Variants in FRMD4B observed in about 807,000 individuals in gnomAD.
FRMD4B encodes the protein FERM domain containing 4B.
Under a neutral mutation model 141.5 loss-of-function variants are expected in FRMD4B, and 74 were observed. The ratio of observed to expected loss-of-function variants is 0.52; its 90% CI spans 0.43 to 0.63. The LOEUF (loss-of-function observed/expected upper bound fraction) is 0.63. FRMD4B is among the 30% of genes least tolerant of loss of function. The pLI is 0.00. For synonymous variants in FRMD4B, 506 were observed against 467.9 expected (o/e 1.08, Z -1.05); for missense variants, 1,366 against 1,253.4 (o/e 1.09, Z -1.36).
chr3:69,285,675 T>C (rs998884997), intron 5 of FRMD4B, among the ~76,000 whole-genome samples: 1 of 151,742 alleles, frequency 6.6e-6, no homozygotes, highest in Non-Finnish European at 1.5e-5. Flanking sequence ...GAAACCCCAT[T>C]GCTACAAAAA....
chr3:69,430,162 G>A (rs943107010), intron 2 of FRMD4B, among the ~76,000 whole-genome samples: 1 of 152,104 alleles, frequency 6.6e-6, no homozygotes, highest in African/African-American at 2.4e-5. Flanking sequence ...CTGATATTGA[G>A]TAGGAATGCA....
intron 7 of FRMD4B, among the ~76,000 whole-genome samples, chr3:69,238,161 A>AG (rs1267961076): frequency 2.0e-5 from 3 of 152,216 alleles, no homozygotes; most frequent in African/African-American, 7.2e-5. Context: ...TTTACAGATA[A>AG]GGAAACTGAG....
intron 1 of FRMD4B, among the ~76,000 whole-genome samples, chr3:69,366,119 T>G (rs72940779): frequency 0.22 from 31,364 of 144,962 alleles, 4,339 homozygotes; most frequent in African/African-American, 0.39. Context: ...AATTAGCTGG[T>G]CATGGTGGCA....
chr3:69,225,423 C>G (rs1333808911), intron 7 of FRMD4B, among the ~76,000 whole-genome samples: 1 of 151,228 alleles, frequency 6.6e-6, no homozygotes, highest in Non-Finnish European at 1.5e-5. Flanking sequence ...CGCCTGTAAT[C>G]CCAGCACTTT....
At chr3:69,536,936 T>C (rs1472465) in intron 1 of FRMD4B, among the ~76,000 whole-genome samples, 6,065 of 152,064 alleles carry the variant, frequency 0.04, 187 homozygotes, top group East Asian at 0.084. Flanking sequence ...TAAGTAGGAA[T>C]GAGGTCTTCC....
chr3:69,483,987 T>G (rs1706174444), intron 1 of FRMD4B, among the ~76,000 whole-genome samples: 1 of 152,178 alleles, frequency 6.6e-6, no homozygotes, highest in South Asian at 2.1e-4. Context: ...CTTTCCCCTT[T>G]AAACAAAAAA....
intron 8 of FRMD4B, 58 bp from the exon 9 acceptor site, chr3:69,221,981 A>G: frequency 1.1e-6 from 1 of 882,556 alleles, no homozygotes. Flanking sequence ...GTACAGGCAC[A>G]GTTTCCACAT....
chr3:69,196,888 C>G lies in FRMD4B; in HGVS notation c.1092+12G>C. On this transcript the variant is annotated intron_variant, in intron 13 of 22. Transcript: ENST00000398540. ...GGAATCTGTCCCTATAGAAATGATG[C>G]CAGTTACTTACTTTGCTTTGCTTCC... is the stretch of plus-strand genomic sequence containing the variant. The G allele has an allele frequency of 6.3e-7, 1 of 1,597,974 alleles. No individual in the cohort carries two copies. Among genetic ancestry groups the G allele is most frequent in the Non-Finnish European group, 8.6e-7 (1 of 1,166,542 alleles).
chr3:69,424,296 G>A (rs2106817199), intron 2 of FRMD4B, among the ~76,000 whole-genome samples: 1 of 152,262 alleles, frequency 6.6e-6, no homozygotes, highest in South Asian at 2.1e-4. Flanking sequence ...AGAACTGACT[G>A]TATACTGACA....
chr3:69,511,153 C>T (rs1706680153), intron 1 of FRMD4B, among the ~76,000 whole-genome samples: 1 of 152,172 alleles, frequency 6.6e-6, no homozygotes, highest in African/African-American at 2.4e-5. Flanking sequence ...TAAATTTTAT[C>T]AAATACAGAT....
intron 1 of FRMD4B, among the ~76,000 whole-genome samples, chr3:69,437,487 G>A: frequency 6.9e-6 from 1 of 144,268 alleles, no homozygotes; most frequent in African/African-American, 2.5e-5. Context: ...ACTATTCATA[G>A]TATTATACAT....
upstream of FRMD4B, among the ~76,000 whole-genome samples, chr3:69,389,056 C>T (rs1484967109): frequency 5.6e-5 from 7 of 125,550 alleles, no homozygotes; most frequent in Admixed American, 8.9e-5. Context: ...TTTTTTGAAA[C>T]GTAGTCTCCC....
chr3:69,224,486 T>C lies in FRMD4B; in HGVS notation c.665+121A>G, dbSNP rs564645281. 1.9e-4 allele frequency: 135 copies of C among 693,964 alleles called. 2 individuals are homozygous for C. The highest frequency in any genetic ancestry group is 1.1e-3 in the South Asian group (70 of 63,094). The allele number at this position is 693,964 out of a possible 1,614,324, so 43.0% of individuals were successfully genotyped here. A position where few individuals can be genotyped will look rare whatever the true frequency, so the allele number is the denominator to read the frequency against. Reference sequence around the variant, plus strand: ...GATCAAGGTCTACCTATGGTTACTTTATACAATTGATTGGCAATGTGATAT... The same window carrying C: ...GATCAAGGTCTACCTATGGTTACTTCATACAATTGATTGGCAATGTGATAT... On this transcript the variant is annotated intron_variant, in intron 8 of 22. Coordinates refer to ENST00000398540, the MANE Select transcript of FRMD4B (RefSeq NM_015123.3).
At chr3:69,441,525 A>C (rs1705342148) in intron 1 of FRMD4B, among the ~76,000 whole-genome samples, 1 of 152,070 alleles carries the variant, frequency 6.6e-6, no homozygotes, top group African/African-American at 2.4e-5. Context: ...TTATTTCTTC[A>C]CAGCACTTGC....
chr3:69,249,355 G>C, intron 6 of FRMD4B, 107 bp from the exon 7 acceptor site: 1 of 738,214 alleles, frequency 1.4e-6, no homozygotes, highest in Non-Finnish European at 2.3e-6. Flanking sequence ...GTTTTGTTTT[G>C]AAGAGTGTTT....
chr3:69,474,836 T>A (rs1488159369), intron 1 of FRMD4B, among the ~76,000 whole-genome samples: 1 of 152,056 alleles, frequency 6.6e-6, no homozygotes. Flanking sequence ...GACGGACTGT[T>A]TAACAACCCC....
rs76325453 is a variant in FRMD4B at position 69,335,180 on chromosome 3, C to T, written c.163-21663G>A. Among the ~76,000 whole-genome samples the T allele has an allele frequency of 7.4e-3, 1,121 of 152,122 alleles. 18 individuals are homozygous for T. Among genetic ancestry groups the T allele is most frequent in the African/African-American group, 0.025 (1,022 of 41,504 alleles). On this transcript the variant is annotated intron_variant, in intron 1 of 22. Transcript: ENST00000398540. ...ACAGAGTGAGACACTCTCTAAAATG[C>T]TATAAATAAAGCAGCTAGGAAACGG...
At chr3:69,215,763 T>G (rs2093134272) in intron 11 of FRMD4B, among the ~76,000 whole-genome samples, 1 of 152,220 alleles carries the variant, frequency 6.6e-6, no homozygotes, top group South Asian at 2.1e-4. Context: ...TATTATTCAT[T>G]TATATGTCTA....
At chr3:69,427,461 TA>T (rs1227544651) in intron 2 of FRMD4B, among the ~76,000 whole-genome samples, 1 of 150,612 alleles carries the variant, frequency 6.6e-6, no homozygotes, top group Non-Finnish European at 1.5e-5. Context: ...AAAATTAACC[TA>T]ACATTTTGGG....
Sources: gnomAD v4.1 joint callset for allele counts (sites outside exome capture counted in the v4.1 genomes callset) on GRCh38, gnomAD v4.1.1 for gene constraint, MANE v1.5 for transcripts, NCBI Gene and HGNC (gene_info 2026-07-23, HGNC 2026-07-21) for gene names.